Variants in DLG2 observed in about 807,000 individuals in gnomAD.
DLG2 encodes disks large homolog 2.
DLG2 carries 45 observed loss-of-function variants against 132.5 expected under a neutral mutation model. The observed-to-expected ratio is 0.34, with a 90% CI of 0.27 to 0.44. The LOEUF is 0.44. DLG2 is among the 20% of genes least tolerant of loss of function. The pLI is 1.00. For missense variants in DLG2, 1,045 were observed against 1,196.9 expected (o/e 0.87, Z 1.87); for synonymous variants, 424 against 419.6 (o/e 1.01, Z -0.13).
chr11:84,288,296 T>C (rs923844599), intron 7 of DLG2, among the ~76,000 whole-genome samples: 1 of 151,930 alleles, frequency 6.6e-6, no homozygotes, highest in African/African-American at 2.4e-5. Flanking sequence ...TATAAGAAAG[T>C]ACTAAAGATT....
intron 8 of DLG2, among the ~76,000 whole-genome samples, chr11:84,187,646 T>C (rs1255619308): frequency 1.3e-5 from 2 of 152,056 alleles, no homozygotes; most frequent in Non-Finnish European, 2.9e-5. Flanking sequence ...TAAGTATTCC[T>C]GGTATTGTCA....
intron 7 of DLG2, among the ~76,000 whole-genome samples, chr11:84,335,252 G>A (rs1030853087): frequency 4.6e-5 from 7 of 150,768 alleles, no homozygotes; most frequent in Non-Finnish European, 8.9e-5. Context: ...AAGGAATGAA[G>A]GAACAGAGGG....
Position 85,303,273 on chromosome 11 carries a change from G to C in DLG2, c.41-17908C>G, listed in dbSNP as rs2079719485. On this transcript the variant is annotated intron_variant, in intron 3 of 27. Transcript: ENST00000376104. ...TTTGAAGTACACAGCTGAAAGTTAT[G>C]TTTTCCAACCTTGGAATTGTTACCC... Among the ~76,000 whole-genome samples the C allele has an allele frequency of 2.6e-5, 4 of 152,140 alleles. No homozygotes were observed. The South Asian group carries it at 6.2e-4, about 24-fold the overall frequency.
intron 6 of DLG2, among the ~76,000 whole-genome samples, chr11:84,814,754 G>A (rs1460990088): frequency 6.6e-6 from 1 of 152,098 alleles, no homozygotes; most frequent in African/African-American, 2.4e-5. Flanking sequence ...GTCACCCTGA[G>A]TTAAATATGC....
intron 6 of DLG2, among the ~76,000 whole-genome samples, chr11:84,652,136 A>G (rs952124853): frequency 6.6e-6 from 1 of 152,178 alleles, no homozygotes; most frequent in Non-Finnish European, 1.5e-5. Flanking sequence ...TACATGAAGA[A>G]TGTTCTGTGT....
chr11:83,653,548 G>T (rs1169417517), intron 18 of DLG2, among the ~76,000 whole-genome samples: 1 of 152,132 alleles, frequency 6.6e-6, no homozygotes. Flanking sequence ...AACTGTCACT[G>T]TACATGTCAT....
At chr11:85,517,759 C>A (rs1190282825) in intron 3 of DLG2, among the ~76,000 whole-genome samples, 5 of 152,126 alleles carry the variant, frequency 3.3e-5, no homozygotes, top group African/African-American at 1.2e-4. Context: ...GCCACCATAC[C>A]TGGTGACATG....
chr11:83,641,376 A>G (rs758525558), intron 18 of DLG2, among the ~76,000 whole-genome samples: 9 of 152,332 alleles, frequency 5.9e-5, no homozygotes, highest in Non-Finnish European at 1.2e-4. Flanking sequence ...CTTTGTCAAC[A>G]TTCTTTCATA....
intron 7 of DLG2, among the ~76,000 whole-genome samples, chr11:84,454,380 A>G (rs1463951951): frequency 6.6e-6 from 1 of 151,544 alleles, no homozygotes; most frequent in African/African-American, 2.4e-5. Context: ...AATGTAGAAT[A>G]GAACAATCGC....
At chr11:85,575,054 A>G (rs2078070236) in intron 3 of DLG2, among the ~76,000 whole-genome samples, 1 of 151,942 alleles carries the variant, frequency 6.6e-6, no homozygotes, top group African/African-American at 2.4e-5. Flanking sequence ...GCATCCTCTC[A>G]GTCAATTCTA....
At chr11:84,041,468 A>G (rs1274241956) in intron 11 of DLG2, among the ~76,000 whole-genome samples, 1 of 151,932 alleles carries the variant, frequency 6.6e-6, no homozygotes, top group Non-Finnish European at 1.5e-5. Flanking sequence ...CATCGTCACA[A>G]TTTTTGAATG....
intron 17 of DLG2, among the ~76,000 whole-genome samples, chr11:83,812,316 T>C (rs2047515254): frequency 6.6e-6 from 1 of 152,166 alleles, no homozygotes; most frequent in Non-Finnish European, 1.5e-5. Context: ...TTTGTGGTTG[T>C]GTTTAACAGT....
intron 9 of DLG2, among the ~76,000 whole-genome samples, chr11:84,129,811 C>G (rs2094340205): frequency 6.6e-6 from 1 of 151,760 alleles, no homozygotes; most frequent in Non-Finnish European, 1.5e-5. Context: ...CCTCCTTGCC[C>G]CCAAAAGCAC....
Position 83,680,719 on chromosome 11 carries a change from G to GT in DLG2, c.1826-47395dup, listed in dbSNP as rs2078638334. ...ACAAAAGAAGCATGAACAAAAAAGT[G>GT]TTCCTGAAAAAATATATATTCCATT... On this transcript the variant is annotated intron_variant, in intron 18 of 27. Transcript: ENST00000376104. 2.0e-5 allele frequency among the ~76,000 whole-genome samples: 3 copies of GT among 152,062 alleles called. No individual in the cohort carries two copies. In the South Asian group the frequency reaches 6.2e-4, roughly 31 times the overall value.
chr11:83,586,621 C>A (rs1182610696), intron 19 of DLG2, among the ~76,000 whole-genome samples: 1 of 152,194 alleles, frequency 6.6e-6, no homozygotes, highest in African/African-American at 2.4e-5. Context: ...TTATTGAGTG[C>A]CACATACTGT....
At chr11:83,483,400 C>T (rs1049355786) in intron 22 of DLG2, 57 of 851,860 alleles carry the variant, frequency 6.7e-5, no homozygotes, top group East Asian at 1.8e-4. Context: ...CATGACAGAC[C>T]GTGCTGCCTT....
At chr11:85,542,279 T>G (rs1429223754) in intron 3 of DLG2, among the ~76,000 whole-genome samples, 1 of 152,330 alleles carries the variant, frequency 6.6e-6, no homozygotes, top group East Asian at 1.9e-4. Flanking sequence ...GGCACCACCT[T>G]CATTGTTAAG....
intron 10 of DLG2, among the ~76,000 whole-genome samples, 198 bp from the exon 11 acceptor site, chr11:84,059,682 A>G (rs2096560455): frequency 6.6e-6 from 1 of 152,192 alleles, no homozygotes; most frequent in South Asian, 2.1e-4. Flanking sequence ...CCTTCTTCCT[A>G]ACCACTTTTG....
intron 19 of DLG2, among the ~76,000 whole-genome samples, chr11:83,577,062 C>G (rs183539730): frequency 1.2e-4 from 18 of 152,270 alleles, no homozygotes; most frequent in African/African-American, 3.4e-4. Context: ...CACCCTTAAT[C>G]TGGTAGGCAC....
Sources: gnomAD v4.1 joint callset for allele counts (sites outside exome capture counted in the v4.1 genomes callset) on GRCh38, gnomAD v4.1.1 for gene constraint, MANE v1.5 for transcripts, NCBI Gene and HGNC (gene_info 2026-07-23, HGNC 2026-07-21) for gene names.